Variants in EVA1C observed in about 807,000 individuals in gnomAD.
The protein encoded by EVA1C is protein eva-1 homolog C.
In EVA1C, 25 loss-of-function variants were observed where a neutral mutation model predicts 45.4. The observed-to-expected ratio is 0.55, with a 90% CI of 0.40 to 0.77. The LOEUF (loss-of-function observed/expected upper bound fraction) is 0.77. Ranked by LOEUF, EVA1C falls within the 30% of genes least tolerant of loss-of-function variation. The probability of loss-of-function intolerance (pLI) is 0.00; values close to 1 mark genes in which losing one functional copy is unlikely to be tolerated. For synonymous variants in EVA1C, 190 were observed against 221.2 expected, an observed-to-expected ratio of 0.86 and a Z score of 1.25; for missense variants, 479 against 554.8, an observed-to-expected ratio of 0.86 and a Z score of 1.37.
chr21:32,485,162 C>T (rs190663933), intron 4 of EVA1C, among the ~76,000 whole-genome samples: 1 of 152,264 alleles, frequency 6.6e-6, no homozygotes, highest in Non-Finnish European at 1.5e-5. Flanking sequence ...GTCTTGCACA[C>T]CTGAAACTCA....
intron 4 of EVA1C, among the ~76,000 whole-genome samples, chr21:32,468,323 C>T (rs916293323): frequency 6.6e-6 from 1 of 151,652 alleles, no homozygotes; most frequent in Non-Finnish European, 1.5e-5. Context: ...GAGCCGAGAT[C>T]GTGCCATTAT....
At chr21:32,455,704 A>G (rs1164620920) in intron 2 of EVA1C, among the ~76,000 whole-genome samples, 1 of 152,090 alleles carries the variant, frequency 6.6e-6, no homozygotes, top group African/African-American at 2.4e-5. Context: ...CATGGGCACC[A>G]CCTGCACCAT....
chr21:32,511,419 C>CAAAAAA (rs749141703), intron 7 of EVA1C, among the ~76,000 whole-genome samples: 28 of 47,374 alleles, frequency 5.9e-4, no homozygotes, highest in Admixed American at 1.2e-3. Flanking sequence ...AACTCCGTCT[C>CAAAAAA]AAAAAAAAAA....
intron 6 of EVA1C, among the ~76,000 whole-genome samples, chr21:32,502,045 TTTCTTTCTTC>T (rs1290638748): frequency 9.7e-5 from 13 of 134,150 alleles, no homozygotes; most frequent in South Asian, 9.2e-4. Context: ...TCTTTCTTTC[TTTCTTTCTTC>T]TTTCTTTCTT....
intron 3 of EVA1C, among the ~76,000 whole-genome samples, chr21:32,463,040 C>T (rs555279493): frequency 5.3e-5 from 8 of 152,268 alleles, no homozygotes; most frequent in South Asian, 2.1e-4. Flanking sequence ...TCTCCCCGAC[C>T]GAGCTGGTCT....
intron 4 of EVA1C, among the ~76,000 whole-genome samples, chr21:32,483,732 T>C (rs1405726734): frequency 6.6e-6 from 1 of 152,206 alleles, no homozygotes; most frequent in East Asian, 1.9e-4. Flanking sequence ...TTCCAGGCTG[T>C]CCATTTCAGA....
intron 7 of EVA1C, among the ~76,000 whole-genome samples, chr21:32,512,829 G>A (rs2038000372): frequency 6.6e-6 from 1 of 152,042 alleles, no homozygotes; most frequent in African/African-American, 2.4e-5. Flanking sequence ...CAGAAGGAGA[G>A]GGTTTGGAGA....
At chr21:32,507,943 GTGTGTT>G (rs2146462130) in intron 7 of EVA1C, among the ~76,000 whole-genome samples, 1 of 104,408 alleles carries the variant, frequency 9.6e-6, no homozygotes, top group African/African-American at 5.6e-5. Flanking sequence ...GTATCTGTAT[GTGTGTT>G]TGTGTGTGTG....
intron 4 of EVA1C, among the ~76,000 whole-genome samples, chr21:32,481,832 C>CT (rs2036801078): frequency 6.6e-6 from 1 of 152,150 alleles, no homozygotes; most frequent in South Asian, 2.1e-4. Context: ...GGTGATTCTC[C>CT]TGCCAATCTT....
intron 4 of EVA1C, among the ~76,000 whole-genome samples, chr21:32,473,355 G>A (rs1022451981): frequency 3.3e-5 from 5 of 152,126 alleles, no homozygotes; most frequent in East Asian, 1.9e-4. Context: ...GACCATTGTC[G>A]GGCCACTGTA....
intron 1 of EVA1C, among the ~76,000 whole-genome samples, chr21:32,447,382 G>A (rs1568892173): frequency 6.6e-6 from 1 of 151,294 alleles, no homozygotes; most frequent in Non-Finnish European, 1.5e-5. Flanking sequence ...GGGGGGAAAA[G>A]GAAAGAAATC....
intron 1 of EVA1C, among the ~76,000 whole-genome samples, chr21:32,448,435 C>T (rs1356366502): frequency 6.6e-6 from 1 of 152,170 alleles, no homozygotes; most frequent in African/African-American, 2.4e-5. Flanking sequence ...AAAGCACATG[C>T]CTGCCATCAG....
chr21:32,448,730 A>G (rs555568015), intron 1 of EVA1C, among the ~76,000 whole-genome samples: 1 of 152,092 alleles, frequency 6.6e-6, no homozygotes, highest in African/African-American at 2.4e-5. Context: ...AATATGATGA[A>G]ACCCCAACTC....
chr21:32,467,092 G>A (rs1481477000), intron 3 of EVA1C, among the ~76,000 whole-genome samples: 5 of 152,272 alleles, frequency 3.3e-5, no homozygotes, highest in Non-Finnish European at 5.9e-5. Context: ...GTTCGAGGCT[G>A]CAGTGAGCTA....
intron 1 of EVA1C, among the ~76,000 whole-genome samples, chr21:32,429,647 C>G (rs1355226544): frequency 2.0e-5 from 3 of 152,198 alleles, no homozygotes; most frequent in Non-Finnish European, 4.4e-5. Context: ...AGTCACTACA[C>G]CTGGCCCCTC....
At chr21:32,502,023 T>G (rs2037560416) in intron 6 of EVA1C, among the ~76,000 whole-genome samples, 1 of 142,142 alleles carries the variant, frequency 7.0e-6, no homozygotes, top group South Asian at 2.2e-4. Flanking sequence ...TTTCTTTCTT[T>G]CTTTCTTTCT....
intron 2 of EVA1C, 146 bp from the exon 3 acceptor site, chr21:32,457,451 A>T: frequency 1.2e-6 from 1 of 812,654 alleles, no homozygotes; most frequent in Non-Finnish European, 2.0e-6. Flanking sequence ...CCAATCACCC[A>T]CGTCTATGCT....
intron 6 of EVA1C, among the ~76,000 whole-genome samples, chr21:32,502,049 T>G (rs1568949998): frequency 7.2e-6 from 1 of 138,532 alleles, no homozygotes; most frequent in Non-Finnish European, 1.5e-5. Context: ...TCTTTCTTTC[T>G]TTCTTCTTTC....
At chr21:32,431,241 C>A (rs2034691246) in intron 1 of EVA1C, among the ~76,000 whole-genome samples, 1 of 152,196 alleles carries the variant, frequency 6.6e-6, no homozygotes, top group South Asian at 2.1e-4. Context: ...TTGGCACAGG[C>A]AAGGGATCTG....
Sources: gnomAD v4.1 joint callset for allele counts (sites outside exome capture counted in the v4.1 genomes callset) on GRCh38, gnomAD v4.1.1 for gene constraint, MANE v1.5 for transcripts, NCBI Gene and HGNC (gene_info 2026-07-23, HGNC 2026-07-21) for gene names.